The following SLC6A17 variants were observed in gnomAD, a reference collection of about 807,000 sequenced individuals.
The protein encoded by SLC6A17 is sodium-dependent neutral amino acid transporter SLC6A17.
A neutral mutation model predicts 64.5 loss-of-function variants in SLC6A17; 21 were observed. That is an observed-to-expected ratio of 0.33 (90% confidence interval 0.23 to 0.47). SLC6A17 has a LOEUF of 0.47. Among genes scored for constraint, SLC6A17 ranks in the 20% least tolerant of loss-of-function variants. SLC6A17 has a pLI of 1.00. For missense variants in SLC6A17, 682 were observed against 963.2 expected, an observed-to-expected ratio of 0.71 and a Z score of 3.86; for synonymous variants, 372 against 399.5, an observed-to-expected ratio of 0.93 and a Z score of 0.82.
At chr1:110,158,521 C>G (rs1306727734) in intron 1 of SLC6A17, among the ~76,000 whole-genome samples, 1 of 152,226 alleles carries the variant, frequency 6.6e-6, no homozygotes, top group Non-Finnish European at 1.5e-5. Context: ...TGGTTGATGG[C>G]ATGCCCCTGA....
At chr1:110,161,214 TG>T (rs1327137697) in intron 1 of SLC6A17, among the ~76,000 whole-genome samples, 3 of 152,334 alleles carry the variant, frequency 2.0e-5, no homozygotes, top group African/African-American at 7.2e-5. Flanking sequence ...CGGCCTGTTT[TG>T]GGCTCAGTAA....
At chr1:110,189,722 A>G (rs1320809899) in intron 6 of SLC6A17, among the ~76,000 whole-genome samples, 2 of 151,766 alleles carry the variant, frequency 1.3e-5, no homozygotes, top group African/African-American at 4.8e-5. Context: ...GGCACCTTCC[A>G]TTCCCTTTTA....
intron 6 of SLC6A17, among the ~76,000 whole-genome samples, chr1:110,187,421 A>G (rs557810): frequency 0.57 from 86,138 of 152,070 alleles, 24,516 homozygotes; most frequent in South Asian, 0.65. Context: ...CGAGCAGTTG[A>G]CCACATTTGA....
chr1:110,181,130 ACTTT>A (rs1311989379), intron 6 of SLC6A17, among the ~76,000 whole-genome samples: 5 of 152,190 alleles, frequency 3.3e-5, no homozygotes, highest in Non-Finnish European at 5.9e-5. Context: ...TCTCCTGATT[ACTTT>A]CTTTCCATGT....
chr1:110,195,612 G>C lies in SLC6A17; in HGVS notation c.1519G>C (p.Val507Leu), dbSNP rs1164934275. 4 of 1,614,206 alleles carry C rather than the reference G, an allele frequency of 2.5e-6. No homozygotes were observed. The highest frequency in any genetic ancestry group is 3.4e-6 in the Non-Finnish European group (4 of 1,180,040). ...TVGCCVFAFL[V>L]GLLFVQRSGN... ...GGGCTGCTGTGTCTTTGCATTCCTCGTGGGGCTGTTGTTCGTCCAGCGCTC... is the reference window on the plus strand; with the variant it reads ...GGGCTGCTGTGTCTTTGCATTCCTCCTGGGGCTGTTGTTCGTCCAGCGCTC... Residue 507 changes from valine to leucine, a missense_variant, in exon 10 of 12, where the codon GTG (valine) becomes CTG (leucine). Physicochemically the swap from Val to Leu is conservative, Grantham distance 32. Around this residue, in one of 3 missense-constraint regions of SLC6A17, gnomAD observed 264 missense variants for 339.5 expected, o/e 0.78. Coordinates refer to ENST00000331565, the MANE Select transcript of SLC6A17 (RefSeq NM_001010898.4).
chr1:110,179,050 T>G (rs1656444701), intron 6 of SLC6A17, among the ~76,000 whole-genome samples: 1 of 152,268 alleles, frequency 6.6e-6, no homozygotes, highest in Non-Finnish European at 1.5e-5. Flanking sequence ...ATTCTGCAAC[T>G]TGCTTTTATT....
At chr1:110,185,367 G>T (rs2100940897) in intron 6 of SLC6A17, among the ~76,000 whole-genome samples, 1 of 152,356 alleles carries the variant, frequency 6.6e-6, no homozygotes, top group South Asian at 2.1e-4. Context: ...GTGCCATCTG[G>T]TGCTTCGTGG....
In SLC6A17 at chr1:110,174,969, T is replaced by G; in HGVS notation, c.753+9T>G. ...TCCAGTCCTCGGGGAAGGTGAGTGCTGAGGGGGGCACCCAGGACCCAAATG... is the reference window on the plus strand; with the variant it reads ...TCCAGTCCTCGGGGAAGGTGAGTGCGGAGGGGGGCACCCAGGACCCAAATG... On this transcript the variant is annotated intron_variant, in intron 5 of 11. Transcript: ENST00000331565. The G allele has an allele frequency of 1.2e-6, 2 of 1,610,880 alleles. No individual in the cohort carries two copies. The highest frequency in any genetic ancestry group is 2.7e-5 in the African/African-American group (2 of 74,968).
intron 10 of SLC6A17, 74 bp downstream of exon 10, chr1:110,195,819 C>G: frequency 1.3e-6 from 2 of 1,580,128 alleles, no homozygotes; most frequent in South Asian, 2.3e-5. Flanking sequence ...AGAGGCAGAT[C>G]ATAGAGTCAC....
chr1:110,193,088 C>T (rs1277728304), intron 8 of SLC6A17, among the ~76,000 whole-genome samples: 1 of 152,216 alleles, frequency 6.6e-6, no homozygotes, highest in Non-Finnish European at 1.5e-5. Flanking sequence ...CTGTCTATCT[C>T]TTTTGACGCT....
In SLC6A17 at chr1:110,193,233, G is replaced by A. The variant is rs1347314289; in HGVS notation, c.1299+535G>A. On this transcript the variant is annotated intron_variant, in intron 8 of 11. Coordinates refer to ENST00000331565, the MANE Select transcript of SLC6A17 (RefSeq NM_001010898.4). ...AGTTAGTTGGGTCCAAATCCAGTTA[G>A]TTGGGTCCAGAGCCCATGCTCAGGA... 4.6e-5 allele frequency among the ~76,000 whole-genome samples: 7 copies of A among 152,176 alleles called. 1 individual carries two copies. Among genetic ancestry groups the A allele is most frequent in the African/African-American group, 1.7e-4 (7 of 41,432 alleles).
intron 1 of SLC6A17, among the ~76,000 whole-genome samples, chr1:110,153,859 C>T (rs1277448870): frequency 3.3e-5 from 5 of 152,038 alleles, no homozygotes; most frequent in African/African-American, 1.2e-4. Flanking sequence ...GAAGTCCTCA[C>T]AGCCAAACAT....
chr1:110,163,777 T>C (rs147362559), intron 1 of SLC6A17, among the ~76,000 whole-genome samples: 276 of 152,234 alleles, frequency 1.8e-3, no homozygotes, highest in Non-Finnish European at 2.6e-3. Flanking sequence ...GCCACCTTGC[T>C]CTTCCTGGAA....
chr1:110,192,480 C>T lies in SLC6A17; in HGVS notation c.1107-26C>T. 1.3e-6 allele frequency: 2 copies of T among 1,597,528 alleles called. No individual in the cohort carries two copies. Among genetic ancestry groups the T allele is most frequent in the Non-Finnish European group, 8.5e-7 (1 of 1,171,586 alleles). Reference sequence around the variant, plus strand: ...CCATTGCCCACCCCTGCCTTCTTACCTGGTCCTCTCGGTTTTGTGCTGCAG... The same window carrying T: ...CCATTGCCCACCCCTGCCTTCTTACTTGGTCCTCTCGGTTTTGTGCTGCAG... On this transcript the variant is annotated intron_variant, in intron 7 of 11. Transcript: ENST00000331565. The surrounding 1 kb of genome is among the most constrained non-coding windows in gnomAD (Gnocchi z 4.3).
At chr1:110,185,450 G>A (rs1387382224) in intron 6 of SLC6A17, among the ~76,000 whole-genome samples, 6 of 152,208 alleles carry the variant, frequency 3.9e-5, no homozygotes, top group Admixed American at 6.5e-5. Flanking sequence ...TCACGCATGC[G>A]CTCAGGCTAG....
At chr1:110,196,991 C>G (rs568666432) in intron 10 of SLC6A17, among the ~76,000 whole-genome samples, 1 of 152,218 alleles carries the variant, frequency 6.6e-6, no homozygotes, top group South Asian at 2.1e-4. Flanking sequence ...GCCTGCCTGC[C>G]TTCCAGAATT....
intron 3 of SLC6A17, 121 bp from the exon 4 acceptor site, chr1:110,173,852 C>G (rs1384258848): frequency 7.0e-7 from 1 of 1,436,262 alleles, no homozygotes; most frequent in Non-Finnish European, 9.3e-7. Flanking sequence ...CCCTCCTTGC[C>G]TCTCTTGAGG....
chr1:110,174,841 G>A lies in SLC6A17; in HGVS notation c.634G>A (p.Asp212Asn). The A allele has an allele frequency of 6.2e-7, 1 of 1,614,196 alleles. No individual in the cohort carries two copies. Among genetic ancestry groups the A allele is most frequent in the South Asian group, 1.1e-5 (1 of 91,076 alleles). The change falls in exon 5 of 12, where the codon GAC (aspartate) becomes AAC (asparagine). Residue 212 changes from aspartate (D) to asparagine (N), a missense_variant. Around this residue, in one of 3 missense-constraint regions of SLC6A17, gnomAD observed 415 missense variants for 603.8 expected, o/e 0.69. Coordinates refer to ENST00000331565, the MANE Select transcript of SLC6A17 (RefSeq NM_001010898.4). The stretch of plus-strand genomic sequence containing the variant: ...CTACTTCTGGTACCGAGAGGCCTTG[G>A]ACATCTCTGACTCCATCTCGGAGAG... ...TTYFWYREALDISDSISESGG... is the reference protein window; with the variant it reads ...TTYFWYREALNISDSISESGG...
chr1:110,173,895 G>C, intron 3 of SLC6A17, 78 bp from the exon 4 acceptor site: 4 of 1,525,544 alleles, frequency 2.6e-6, no homozygotes, highest in African/African-American at 1.4e-5. Context: ...CTGCCGACGT[G>C]CTGGGCCTCG....
Sources: gnomAD v4.1 joint callset for allele counts (sites outside exome capture counted in the v4.1 genomes callset) on GRCh38, gnomAD v4.1.1 for gene constraint, gnomAD v4.1.1 regional missense constraint, Gnocchi (gnomAD v3.1) non-coding constraint, MANE v1.5 for transcripts, NCBI Gene and HGNC (gene_info 2026-07-23, HGNC 2026-07-21) for gene names.